Variants in HEATR3 observed in about 807,000 individuals in gnomAD.
The protein encoded by HEATR3 is HEAT repeat-containing protein 3.
A neutral mutation model predicts 72.8 loss-of-function variants in HEATR3; 56 were observed. That is an observed-to-expected ratio of 0.77 (90% confidence interval 0.62 to 0.96). The LOEUF is 0.96. Among genes scored for constraint, HEATR3 ranks in the 40% least tolerant of loss-of-function variants. The pLI is 0.00. For synonymous variants in HEATR3, 331 were observed against 318.1 expected (o/e 1.04, Z -0.43); for missense variants, 747 against 831.4 (o/e 0.90, Z 1.25).
intron 13 of HEATR3, among the ~76,000 whole-genome samples, chr16:50,101,168 G>C (rs2037357294): frequency 6.7e-6 from 1 of 149,734 alleles, no homozygotes; most frequent in South Asian, 2.1e-4. Context: ...GAGTACAGTA[G>C]TGCAGTAGTG....
intron 6 of HEATR3, 96 bp from the exon 7 acceptor site, chr16:50,078,645 A>G (rs2036792962): frequency 7.9e-7 from 1 of 1,267,052 alleles, no homozygotes; most frequent in Non-Finnish European, 1.1e-6. Context: ...ATTTTTTGAA[A>G]TTACACTGGC....
At chr16:50,095,405 C>CTT (rs60357183) in intron 12 of HEATR3, among the ~76,000 whole-genome samples, 263 of 136,124 alleles carry the variant, frequency 1.9e-3, no homozygotes, top group Non-Finnish European at 3.5e-3. Context: ...CCGTACCCAG[C>CTT]TTTTTTTTTT....
intron 7 of HEATR3, among the ~76,000 whole-genome samples, chr16:50,080,646 T>G (rs1302908806): frequency 6.6e-6 from 1 of 152,082 alleles, no homozygotes; most frequent in Non-Finnish European, 1.5e-5. Flanking sequence ...GCCTAGATCT[T>G]TTTATTTTAT....
intron 11 of HEATR3, among the ~76,000 whole-genome samples, chr16:50,087,929 C>G (rs1003635192): frequency 1.3e-5 from 2 of 152,082 alleles, no homozygotes; most frequent in Non-Finnish European, 2.9e-5. Context: ...GAGTTCGAGA[C>G]CAGCCTGGCC....
chr16:50,101,520 CAT>C (rs1260326192), intron 13 of HEATR3, among the ~76,000 whole-genome samples: 3 of 152,192 alleles, frequency 2.0e-5, no homozygotes, highest in Non-Finnish European at 4.4e-5. Context: ...CTGAAGTCCA[CAT>C]GTTATGTTTC....
chr16:50,084,091 TTTC>T lies in HEATR3; in HGVS notation c.1133-40_1133-38del, dbSNP rs1470248276. The T allele has an allele frequency of 3.7e-6, 6 of 1,613,902 alleles. No individual in the cohort carries two copies. In the African/African-American group the frequency reaches 8.0e-5, roughly 22 times the overall value. ...CCAAGAGGGAAACTCCCGTGGAGAT[TTTC>T]TTAACTATTCCAGTTCTGCGTGGTT... On this transcript the variant is annotated intron_variant, in intron 8 of 14. Transcript: ENST00000299192.
chr16:50,085,312 T>C (rs1157694265), intron 10 of HEATR3, among the ~76,000 whole-genome samples: 1 of 152,150 alleles, frequency 6.6e-6, no homozygotes, highest in Non-Finnish European at 1.5e-5. Context: ...TAACTGTATA[T>C]ATGTCACATT....
chr16:50,096,324 CAAAAA>C lies in HEATR3; in HGVS notation c.1599+1548_1599+1552del, dbSNP rs59995532. ...TAGGCGATAGAGCAAGACTCCGTCT[CAAAAA>C]AAAAAAAAAAAAAAAACAGAAAAAG... is the stretch of plus-strand genomic sequence containing the variant. On this transcript the variant is annotated intron_variant, in intron 12 of 14. Transcript: ENST00000299192. 4.6e-5 allele frequency among the ~76,000 whole-genome samples: 4 copies of C among 86,798 alleles called. No individual in the cohort carries two copies. The East Asian group carries it at 1.1e-3, about 23-fold the overall frequency. The allele number at this position is 86,798 out of a possible 152,430, so 56.9% of individuals were successfully genotyped here.
chr16:50,092,418 CT>C (rs1208535220), intron 11 of HEATR3, among the ~76,000 whole-genome samples: 3 of 81,470 alleles, frequency 3.7e-5, no homozygotes, highest in Non-Finnish European at 5.0e-5. Flanking sequence ...CCAGGTCATT[CT>C]TTTTTTTTTC....
intron 12 of HEATR3, 149 bp from the exon 13 acceptor site, chr16:50,100,081 C>T: frequency 1.6e-6 from 1 of 607,416 alleles, no homozygotes; most frequent in Non-Finnish European, 2.6e-6. Flanking sequence ...AACTGGAATA[C>T]ATATTAATAG....
At chr16:50,096,993 A>C (rs1162771964) in intron 12 of HEATR3, among the ~76,000 whole-genome samples, 4 of 152,186 alleles carry the variant, frequency 2.6e-5, no homozygotes, top group Non-Finnish European at 5.9e-5. Flanking sequence ...ATCGTTCAGC[A>C]TTCCTCTGTC....
chr16:50,102,993 C>T (rs1490529214), intron 14 of HEATR3, among the ~76,000 whole-genome samples: 1 of 152,146 alleles, frequency 6.6e-6, no homozygotes, highest in Non-Finnish European at 1.5e-5. Flanking sequence ...GAACTCCCAA[C>T]CTCAGGTGAT....
chr16:50,095,590 A>G (rs1216375676), intron 12 of HEATR3, among the ~76,000 whole-genome samples: 1 of 151,742 alleles, frequency 6.6e-6, no homozygotes, highest in Non-Finnish European at 1.5e-5. Context: ...GTTTTTTGAG[A>G]CGGGGTCTTA....
chr16:50,105,640 A>G lies in HEATR3; in HGVS notation c.*579A>G, dbSNP rs1216065712. On this transcript the variant is annotated 3_prime_UTR_variant, in exon 15 of 15. Coordinates refer to ENST00000299192, the MANE Select transcript of HEATR3 (RefSeq NM_182922.4). ...ATCTTGGCTTACTGCAACCTCTGCCATTCCAGGTTCAAGCGATTCTCATGC... is the reference window on the plus strand; with the variant it reads ...ATCTTGGCTTACTGCAACCTCTGCCGTTCCAGGTTCAAGCGATTCTCATGC... 6.6e-6 allele frequency: 1 copy of G among 151,868 alleles called. No individual in the cohort carries two copies. The highest frequency in any genetic ancestry group is 1.5e-5 in the Non-Finnish European group (1 of 68,036). 9.4% of individuals were successfully genotyped at this position (151,868 alleles called of 1,614,324 possible). A position where few individuals can be genotyped will look rare whatever the true frequency, so the allele number is the denominator to read the frequency against.
At chr16:50,101,870 T>G (rs1467466140) in intron 13 of HEATR3, among the ~76,000 whole-genome samples, 1 of 152,022 alleles carries the variant, frequency 6.6e-6, no homozygotes, top group Non-Finnish European at 1.5e-5. Flanking sequence ...GTGAGCCACT[T>G]GCAACTGGCC....
chr16:50,083,593 A>G (rs1194347557), intron 7 of HEATR3, among the ~76,000 whole-genome samples: 1 of 152,174 alleles, frequency 6.6e-6, no homozygotes, highest in Non-Finnish European at 1.5e-5. Flanking sequence ...AAATCTTAGT[A>G]TGCCCAGCTA....
chr16:50,066,371 A>C lies in HEATR3; in HGVS notation c.143A>C (p.Gln48Pro). Residue 48 changes from glutamine to proline, a missense_variant, in exon 2 of 15, where the codon CAG becomes CCG. Gln to Pro is a moderately conservative substitution (Grantham distance 76). Transcript: ENST00000299192. ...CCTTTTCGCTCTCATCCGCAGCTCCAGCACCCGAGCGCCGAGGTCCGCGAG... is the reference window on the plus strand; with the variant it reads ...CCTTTTCGCTCTCATCCGCAGCTCCCGCACCCGAGCGCCGAGGTCCGCGAG... ...GPAAELLEKL[Q>P]HPSAEVRECA... 6.4e-7 allele frequency: 1 copy of C among 1,551,240 alleles called. No individual in the cohort carries two copies. Among genetic ancestry groups the C allele is most frequent in the Non-Finnish European group, 8.6e-7 (1 of 1,159,774 alleles).
intron 6 of HEATR3, among the ~76,000 whole-genome samples, chr16:50,076,865 ATTT>A (rs756365677): frequency 3.8e-5 from 4 of 106,362 alleles, no homozygotes; most frequent in East Asian, 5.3e-4. Context: ...ACACCTGGCT[ATTT>A]TTTTTTTTTT....
chr16:50,076,780 A>G (rs1057113052), intron 6 of HEATR3, among the ~76,000 whole-genome samples: 2 of 150,592 alleles, frequency 1.3e-5, no homozygotes, highest in Non-Finnish European at 2.9e-5. Context: ...GCTTACTGCA[A>G]TCTCTGCCTC....
Sources: allele counts gnomAD v4.1 joint callset (sites outside exome capture counted in the v4.1 genomes callset), GRCh38; gene constraint gnomAD v4.1.1; transcripts MANE v1.5; gene names NCBI Gene and HGNC (gene_info 2026-07-23, HGNC 2026-07-21).